Variants in TIMP2 observed in about 807,000 individuals in gnomAD.
TIMP2 encodes TIMP metallopeptidase inhibitor 2.
TIMP2 carries 5 observed loss-of-function variants against 24.3 expected under a neutral mutation model. The observed-to-expected ratio is 0.21, with a 90% CI of 0.11 to 0.43. TIMP2 has a LOEUF of 0.43. Ranked by LOEUF, TIMP2 falls within the 20% of genes least tolerant of loss-of-function variation. The probability of loss-of-function intolerance (pLI) is 1.00; values close to 1 mark genes in which losing one functional copy is unlikely to be tolerated. For missense variants in TIMP2, 221 were observed against 297.5 expected, an observed-to-expected ratio of 0.74 and a Z score of 1.89; for synonymous variants, 130 against 123.2, an observed-to-expected ratio of 1.06 and a Z score of -0.37.
intron 1 of TIMP2, among the ~76,000 whole-genome samples, chr17:78,906,000 T>C (rs7219796): frequency 0.56 from 84,877 of 152,146 alleles, 24,417 homozygotes; most frequent in African/African-American, 0.71. Flanking sequence ...CAAATATAAA[T>C]GTTATGTTTA....
At chr17:78,874,116 GCCT>G (rs981765631) in intron 1 of TIMP2, 197 bp from the exon 2 acceptor site, 24 of 533,130 alleles carry the variant, frequency 4.5e-5, no homozygotes, top group South Asian at 1.2e-4. Context: ...ATGATGCCCA[GCCT>G]CCTCCTCCTC....
chr17:78,905,390 GA>G lies in TIMP2; in HGVS notation c.130+19568del, dbSNP rs537797236. ...ACATAAATCCCATCTTACGCAGCTG[GA>G]TGGAGCCTATTGGTTCTGTTTCTCT... On this transcript the variant is annotated intron_variant, in intron 1 of 4. Transcript: ENST00000262768. Among the ~76,000 whole-genome samples, 49 of 152,318 alleles carry G rather than the reference GA, an allele frequency of 3.2e-4. 1 individual carries two copies. The South Asian group carries it at 0.01, about 32-fold the overall frequency.
intron 1 of TIMP2, among the ~76,000 whole-genome samples, chr17:78,906,148 A>G (rs572210790): frequency 6.6e-6 from 1 of 152,326 alleles, no homozygotes; most frequent in African/African-American, 2.4e-5. Flanking sequence ...AGGCAGGTAG[A>G]TGGCTTGACC....
intron 3 of TIMP2, among the ~76,000 whole-genome samples, chr17:78,861,815 C>T (rs1232360372): frequency 1.3e-5 from 2 of 152,012 alleles, no homozygotes; most frequent in Non-Finnish European, 2.9e-5. Context: ...GTTGGCTGGG[C>T]TGGTCTTGAA....
At position 78,896,999 on chromosome 17, in the gene TIMP2, C is replaced by T. The variant is rs925700435; in HGVS notation, c.131-23080G>A. ...ATGACGTCCAAGCAGCTCGCCTTTC[C>T]CTGGGCGGCCGCTCAGACAGCTTTT... On this transcript the variant is annotated intron_variant, in intron 1 of 4. Coordinates refer to ENST00000262768, the MANE Select transcript of TIMP2 (RefSeq NM_003255.5). This position sits in a 1 kb window ranked among gnomAD's most constrained non-coding sequence, Gnocchi z 4.4. 1.0e-6 allele frequency: 1 copy of T among 985,398 alleles called. No individual in the cohort carries two copies. Among genetic ancestry groups the T allele is most frequent in the East Asian group, 1.1e-4 (1 of 8,806 alleles). 61.0% of individuals were successfully genotyped at this position (985,398 alleles called of 1,614,324 possible). A position where few individuals can be genotyped will look rare whatever the true frequency, so the allele number is the denominator to read the frequency against.
intron 1 of TIMP2, among the ~76,000 whole-genome samples, chr17:78,876,274 A>T (rs1220018695): frequency 6.6e-6 from 1 of 151,766 alleles, no homozygotes; most frequent in Non-Finnish European, 1.5e-5. Context: ...CCATGCTCCC[A>T]CTATTCTACC....
chr17:78,881,104 C>G (rs949322867), intron 1 of TIMP2, among the ~76,000 whole-genome samples: 1 of 152,238 alleles, frequency 6.6e-6, no homozygotes, highest in African/African-American at 2.4e-5. Flanking sequence ...AATACAAAGT[C>G]AAAACCCGGC....
intron 1 of TIMP2, chr17:78,899,511 C>A (rs1201782580): frequency 6.6e-6 from 1 of 152,228 alleles, no homozygotes; most frequent in African/African-American, 2.4e-5. Flanking sequence ...CCAGCCCCTG[C>A]GGGAGGGGCC....
intron 3 of TIMP2, among the ~76,000 whole-genome samples, chr17:78,864,908 G>A (rs947153825): frequency 3.3e-5 from 5 of 151,942 alleles, no homozygotes; most frequent in African/African-American, 9.7e-5. Context: ...ACAAAAATTA[G>A]CTGGGCGTGG....
chr17:78,915,801 T>A (rs2070252620), intron 1 of TIMP2, among the ~76,000 whole-genome samples: 1 of 152,360 alleles, frequency 6.6e-6, no homozygotes. Context: ...ATTCCAGGCA[T>A]GATTCCACCG....
chr17:78,885,923 G>C (rs1276931902), intron 1 of TIMP2, among the ~76,000 whole-genome samples: 2 of 152,176 alleles, frequency 1.3e-5, no homozygotes, highest in African/African-American at 4.8e-5. Context: ...GTGCCAAGGT[G>C]ACCAAGGGGG....
At chr17:78,861,598 A>AT (rs1262951072) in intron 3 of TIMP2, among the ~76,000 whole-genome samples, 1 of 145,716 alleles carries the variant, frequency 6.9e-6, no homozygotes, top group East Asian at 2.0e-4. Context: ...TGAAAATTGT[A>AT]TTTTTTCTTT....
Position 78,855,960 on chromosome 17 carries a change from C to G in TIMP2, c.466-96G>C. 1 of 1,282,322 alleles carries G rather than the reference C, an allele frequency of 7.8e-7. No homozygotes were observed. The highest frequency in any genetic ancestry group is 1.1e-6 in the Non-Finnish European group (1 of 895,490). The allele number at this position is 1,282,322 out of a possible 1,614,324, so 79.4% of individuals were successfully genotyped here. ...GCATGTCCAGAACCCGGCAATGTGC[C>G]TACCTGTCATGTGCAGGGATGGCAG... On this transcript the variant is annotated intron_variant, in intron 4 of 4. Coordinates refer to ENST00000262768, the MANE Select transcript of TIMP2 (RefSeq NM_003255.5). This position sits in a 1 kb window ranked among gnomAD's most constrained non-coding sequence, Gnocchi z 6.0.
At chr17:78,905,774 T>G (rs1264769361) in intron 1 of TIMP2, among the ~76,000 whole-genome samples, 3 of 152,256 alleles carry the variant, frequency 2.0e-5, no homozygotes, top group Non-Finnish European at 4.4e-5. Context: ...GATTCACTAC[T>G]GGCCTAAGGC....
intron 1 of TIMP2, among the ~76,000 whole-genome samples, chr17:78,903,731 T>C (rs1228155770): frequency 1.3e-5 from 2 of 151,954 alleles, no homozygotes; most frequent in Admixed American, 6.6e-5. Context: ...CACAGACAGT[T>C]TGATCAGAAG....
intron 1 of TIMP2, chr17:78,899,485 CCT>C (rs1191207234): frequency 6.6e-6 from 1 of 152,252 alleles, no homozygotes; most frequent in African/African-American, 2.4e-5. Context: ...GGGCCTCACC[CCT>C]GACAGATCCT....
At chr17:78,861,644 C>T (rs551822074) in intron 3 of TIMP2, among the ~76,000 whole-genome samples, 2 of 151,462 alleles carry the variant, frequency 1.3e-5, no homozygotes, top group South Asian at 2.1e-4. Flanking sequence ...GCTCTGTCAC[C>T]GAGGCTGGAG....
At chr17:78,886,177 G>A (rs926423790) in intron 1 of TIMP2, among the ~76,000 whole-genome samples, 5 of 152,208 alleles carry the variant, frequency 3.3e-5, no homozygotes, top group African/African-American at 1.2e-4. Flanking sequence ...GGGCAGAGAT[G>A]AGTCACCCTC....
At chr17:78,870,244 C>T (rs1395089734) in intron 3 of TIMP2, among the ~76,000 whole-genome samples, 1 of 151,854 alleles carries the variant, frequency 6.6e-6, no homozygotes, top group African/African-American at 2.4e-5. Flanking sequence ...GGTAGAACCC[C>T]ATCTCTACTA....
Sources: gnomAD v4.1 joint callset for allele counts (sites outside exome capture counted in the v4.1 genomes callset) on GRCh38, gnomAD v4.1.1 for gene constraint, Gnocchi (gnomAD v3.1) non-coding constraint, MANE v1.5 for transcripts, NCBI Gene and HGNC (gene_info 2026-07-23, HGNC 2026-07-21) for gene names.